The following GIMAP6 variants were observed in gnomAD, a reference collection of about 807,000 sequenced individuals.
The protein encoded by GIMAP6 is GTPase IMAP family member 6.
A neutral mutation model predicts 9.3 loss-of-function variants in GIMAP6; 6 were observed. The ratio of observed to expected loss-of-function variants is 0.65; its 90% CI spans 0.35 to 1.27. The LOEUF is 1.27. GIMAP6 is among the 50% of genes most tolerant of loss of function. The probability of loss-of-function intolerance (pLI) is 0.03; values close to 1 mark genes in which losing one functional copy is unlikely to be tolerated. For synonymous variants in GIMAP6, 156 were observed against 151.1 expected (o/e 1.03, Z -0.24); for missense variants, 333 against 359.5 (o/e 0.93, Z 0.60).
chr7:150,631,249 C>T lies in GIMAP6; in HGVS notation c.-1+920G>A, dbSNP rs557940160. Among the ~76,000 whole-genome samples, 29 of 152,224 alleles carry T rather than the reference C, an allele frequency of 1.9e-4. No individual in the cohort carries two copies. The East Asian group carries it at 5.2e-3, about 27-fold the overall frequency. ...TCCCCAGATCCCAGAAGTATATATG[C>T]GGATATTGCTTTATGATTGGTAAAG... On this transcript the variant is annotated intron_variant, in intron 1 of 2. Transcript: ENST00000328902.
Position 150,627,434 on chromosome 7 carries a change from A to G in GIMAP6, c.*285T>C. 1 of 408,836 alleles carries G rather than the reference A, an allele frequency of 2.4e-6. No individual in the cohort carries two copies. The highest frequency in any genetic ancestry group is 4.2e-6 in the Non-Finnish European group (1 of 240,550). 25.3% of individuals were successfully genotyped at this position (408,836 alleles called of 1,614,324 possible). On this transcript the variant is annotated 3_prime_UTR_variant, in exon 3 of 3. Transcript: ENST00000328902. ...GGTTCTATCAGAGTATAGACAAGTA[A>G]CTCATGAAAGGCAATGCAATGAGAT...
rs774763150 is a variant in GIMAP6 at position 150,628,639 on chromosome 7, C to T, written c.86-127G>A. ...CAGATTGTAAAAGACCAACATCTGCCCTGAAACCAGCGCTGGGCCACCATT... is the reference window on the plus strand; with the variant it reads ...CAGATTGTAAAAGACCAACATCTGCTCTGAAACCAGCGCTGGGCCACCATT... On this transcript the variant is annotated intron_variant, in intron 2 of 2. Coordinates refer to ENST00000328902, the MANE Select transcript of GIMAP6 (RefSeq NM_024711.6). The T allele has an allele frequency of 2.5e-6, 4 of 1,591,436 alleles. No individual in the cohort carries two copies. In the South Asian group the frequency reaches 3.3e-5, roughly 13 times the overall value.
At position 150,626,207 on chromosome 7, in the gene GIMAP6, G is replaced by A. The variant is rs1434307819; in HGVS notation, c.*1512C>T. The A allele has an allele frequency of 6.6e-6, 1 of 152,292 alleles. No individual in the cohort carries two copies. The highest frequency in any genetic ancestry group is 2.4e-5 in the African/African-American group (1 of 41,464). 9.4% of individuals were successfully genotyped at this position (152,292 alleles called of 1,614,324 possible). The stretch of plus-strand genomic sequence containing the variant: ...GTTGAGCATCTCCAACAGTGGATGA[G>A]TGTCCAGGTAGACCTGAGGCTGTGC... On this transcript the variant is annotated 3_prime_UTR_variant, in exon 3 of 3. Transcript: ENST00000328902.
chr7:150,629,562 G>A (rs144088738), intron 2 of GIMAP6, among the ~76,000 whole-genome samples: 158 of 152,248 alleles, frequency 1.0e-3, no homozygotes, highest in African/African-American at 3.5e-3. Flanking sequence ...TTTGGGAAAG[G>A]GACGCCCTCG....
Position 150,627,815 on chromosome 7 carries a change from G to T in GIMAP6, c.783C>A (p.Asp261Glu). 1 of 1,614,218 alleles carries T rather than the reference G, an allele frequency of 6.2e-7. No homozygotes were observed. The highest frequency in any genetic ancestry group is 8.5e-7 in the Non-Finnish European group (1 of 1,180,018). ...CCAGCCAAGACTCCTCACCAGGCAC[G>T]TCCTCAGAGCCTTGGCCCTGGCTTA... ...RQVSQGQGSE[D>E]VPGEESWLEG... The change falls in exon 3 of 3, where the codon GAC becomes GAA. Residue 261 changes from aspartate to glutamate, a missense_variant. By Grantham distance (45) the Asp-to-Glu change is conservative (BLOSUM62 2). Coordinates refer to ENST00000328902, the MANE Select transcript of GIMAP6 (RefSeq NM_024711.6).
chr7:150,631,447 G>A (rs1323284366), intron 1 of GIMAP6, among the ~76,000 whole-genome samples: 2 of 152,206 alleles, frequency 1.3e-5, no homozygotes, highest in Non-Finnish European at 2.9e-5. Flanking sequence ...TTCCTAACTG[G>A]TGGCCTCTCA....
rs145474276 is a variant in GIMAP6, at chr7:150,626,608, C to T, written c.*1111G>A. 1.3e-5 allele frequency: 2 copies of T among 152,398 alleles called. No homozygotes were observed. Among genetic ancestry groups the T allele is most frequent in the East Asian group, 1.9e-4 (1 of 5,180 alleles). The allele number at this position is 152,398 out of a possible 1,614,324, so 9.4% of individuals were successfully genotyped here. A position where few individuals can be genotyped will look rare whatever the true frequency, so the allele number is the denominator to read the frequency against. On this transcript the variant is annotated 3_prime_UTR_variant, in exon 3 of 3. Transcript: ENST00000328902. ...AAACATCATGGGCTTCAGAGTTCTCCCATAAACCAGGCAGGCTGCCTCGCA... is the reference window on the plus strand; with the variant it reads ...AAACATCATGGGCTTCAGAGTTCTCTCATAAACCAGGCAGGCTGCCTCGCA...
chr7:150,631,262 A>G (rs866489749), intron 1 of GIMAP6, among the ~76,000 whole-genome samples: 1 of 152,200 alleles, frequency 6.6e-6, no homozygotes. Context: ...ATATTGCTTT[A>G]TGATTGGTAA....
intron 1 of GIMAP6, among the ~76,000 whole-genome samples, chr7:150,630,912 C>T (rs1463169272): frequency 6.6e-6 from 1 of 152,210 alleles, no homozygotes; most frequent in African/African-American, 2.4e-5. Context: ...TCATTCCCAA[C>T]CAGGAACTCC....
In GIMAP6 at chr7:150,628,397, C is replaced by T. The variant is rs768604637; in HGVS notation, c.201G>A (p.Glu67=). The change falls in exon 3 of 3, where the codon GAG becomes GAA. Residue 67 remains glutamate, a synonymous_variant. Transcript: ENST00000328902. Reference sequence around the variant, plus strand: ...TCACGGGTCTGGTGCTGAGTTTAGACTCGAAGACGTCCCTGCCGAGGATGC... The same window carrying T: ...TCACGGGTCTGGTGCTGAGTTTAGATTCGAAGACGTCCCTGCCGAGGATGC... ...GNSILGRDVF[E]SKLSTRPVTK... The T allele has an allele frequency of 1.9e-6, 3 of 1,614,050 alleles. No homozygotes were observed. Among genetic ancestry groups the T allele is most frequent in the Non-Finnish European group, 8.5e-7 (1 of 1,179,998 alleles).
At chr7:150,632,088 C>T (rs1228379799) in intron 1 of GIMAP6, 81 bp downstream of exon 1, 2 of 152,168 alleles carry the variant, frequency 1.3e-5, no homozygotes, top group South Asian at 4.1e-4. Flanking sequence ...TTAACACATA[C>T]AAACATGTAA....
Position 150,626,275 on chromosome 7 carries a change from G to T in GIMAP6, c.*1444C>A, listed in dbSNP as rs1796290810. The T allele has an allele frequency of 6.6e-6, 1 of 152,390 alleles. No homozygotes were observed. Among genetic ancestry groups the T allele is most frequent in the African/African-American group, 2.4e-5 (1 of 41,458 alleles). The allele number at this position is 152,390 out of a possible 1,614,324, so 9.4% of individuals were successfully genotyped here. On this transcript the variant is annotated 3_prime_UTR_variant, in exon 3 of 3. Coordinates refer to ENST00000328902, the MANE Select transcript of GIMAP6 (RefSeq NM_024711.6). The stretch of plus-strand genomic sequence containing the variant: ...TCTCCCAGCACTGTCTCCACCAGCT[G>T]TACTTCCCGCCCCTCTCGGGAGAAA...
At chr7:150,629,557 G>C (rs73727366) in intron 2 of GIMAP6, among the ~76,000 whole-genome samples, 268 of 152,274 alleles carry the variant, frequency 1.8e-3, no homozygotes, top group African/African-American at 5.7e-3. Context: ...TGGCTTTTGG[G>C]AAAGGGACGC....
intron 1 of GIMAP6, among the ~76,000 whole-genome samples, chr7:150,631,544 A>G (rs1321996184): frequency 6.6e-6 from 1 of 152,204 alleles, no homozygotes; most frequent in Non-Finnish European, 1.5e-5. Flanking sequence ...TTTAGAGAGA[A>G]CGGGCAGGCA....
In GIMAP6 at chr7:150,626,162, G is replaced by GT. The variant is rs1211798368; in HGVS notation, c.*1556dup. The GT allele has an allele frequency of 6.6e-6, 1 of 152,248 alleles. No homozygotes were observed. The highest frequency in any genetic ancestry group is 2.4e-5 in the African/African-American group (1 of 41,452). 9.4% of individuals were successfully genotyped at this position (152,248 alleles called of 1,614,324 possible). A position where few individuals can be genotyped will look rare whatever the true frequency, so the allele number is the denominator to read the frequency against. On this transcript the variant is annotated 3_prime_UTR_variant, in exon 3 of 3. Coordinates refer to ENST00000328902, the MANE Select transcript of GIMAP6 (RefSeq NM_024711.6). ...CAGAGCAAGAGGCCACAGGTCGGCT[G>GT]TGAGCATCTGTGTCTAGCTGTTGAG...
In GIMAP6 at chr7:150,627,672, G is replaced by A. The variant is rs114252711; in HGVS notation, c.*47C>T. On this transcript the variant is annotated 3_prime_UTR_variant, in exon 3 of 3. Transcript: ENST00000328902. ...AAGAGAAACAGAGGGCTGGACACAG[G>A]GGGGTGCAAAGGCTGATGGTGTCCT... The A allele has an allele frequency of 1.3e-5, 21 of 1,609,522 alleles. No individual in the cohort carries two copies. Among genetic ancestry groups the A allele is most frequent in the Admixed American group, 3.3e-5 (2 of 59,904 alleles).
In GIMAP6 at chr7:150,628,462, T is replaced by A. The variant is rs755727555; in HGVS notation, c.136A>T (p.Met46Leu). The A allele has an allele frequency of 6.2e-7, 1 of 1,614,184 alleles. No homozygotes were observed. Among genetic ancestry groups the A allele is most frequent in the Non-Finnish European group, 8.5e-7 (1 of 1,180,012 alleles). The change falls in exon 3 of 3, where the codon ATG (methionine) becomes TTG (leucine). Residue 46 changes from methionine (M) to leucine (L), a missense_variant. Physicochemically the swap from Met to Leu is conservative, Grantham distance 15. Coordinates refer to ENST00000328902, the MANE Select transcript of GIMAP6 (RefSeq NM_024711.6). ...KTPRRLRLIL[M>L]GKTGSGKSAT... is the part of the protein sequence containing the mutation. ...CTCTTCCCACTCCCTGTTTTCCCCATGAGAATGAGCCTCAGTCTCCTTGGG... is the reference window on the plus strand; with the variant it reads ...CTCTTCCCACTCCCTGTTTTCCCCAAGAGAATGAGCCTCAGTCTCCTTGGG...
chr7:150,628,752 G>A, intron 2 of GIMAP6: 2 of 1,447,586 alleles, frequency 1.4e-6, no homozygotes, highest in Non-Finnish European at 1.8e-6. Flanking sequence ...TTGGCCAATA[G>A]AACACCAAGA....
intron 2 of GIMAP6, 124 bp downstream of exon 2, chr7:150,629,934 G>T: frequency 1.4e-6 from 1 of 713,888 alleles, no homozygotes; most frequent in South Asian, 1.7e-5. Flanking sequence ...TGGTGGCTGA[G>T]GCGGGTAAAT....
Sources: gnomAD v4.1 joint callset for allele counts (sites outside exome capture counted in the v4.1 genomes callset) on GRCh38, gnomAD v4.1.1 for gene constraint, MANE v1.5 for transcripts, NCBI Gene and HGNC (gene_info 2026-07-23, HGNC 2026-07-21) for gene names.